Variants in VAT1 observed in about 807,000 individuals in gnomAD.
VAT1 encodes the protein vesicle amine transport 1, also known as NADPH-dependent quinone oxidoreductase VAT1.
Under a neutral mutation model 33.3 loss-of-function variants are expected in VAT1, and 24 were observed. The observed-to-expected ratio is 0.72, with a 90% CI of 0.52 to 1.01. The LOEUF is 1.01. Ranked by LOEUF, VAT1 falls within the 50% of genes least tolerant of loss-of-function variation. The probability of loss-of-function intolerance (pLI) is 0.00; values close to 1 mark genes in which losing one functional copy is unlikely to be tolerated. For missense variants in VAT1, 436 were observed against 533.7 expected, an observed-to-expected ratio of 0.82 and a Z score of 1.80; for synonymous variants, 212 against 225.0, an observed-to-expected ratio of 0.94 and a Z score of 0.52.
chr17:43,022,189 G>C lies in VAT1; in HGVS notation c.134C>G (p.Pro45Arg). ...SEGAAAAAAS[P>R]PLLRCLVLTG... Reference sequence around the variant, plus strand: ...GAGCACTAGGCAGCGCAGCAGTGGCGGCGAGGCGGCGGCGGCGGCGGCCCC... The same window carrying C: ...GAGCACTAGGCAGCGCAGCAGTGGCCGCGAGGCGGCGGCGGCGGCGGCCCC... The change falls in exon 1 of 6, where the codon CCG (proline) becomes CGG (arginine). Residue 45 changes from proline to arginine, a missense_variant. Physicochemically the swap from Pro to Arg is moderately radical, Grantham distance 103. Transcript: ENST00000355653. 1.3e-6 allele frequency: 2 copies of C among 1,557,292 alleles called. No homozygotes were observed. Among genetic ancestry groups the C allele is most frequent in the Non-Finnish European group, 1.7e-6 (2 of 1,150,830 alleles).
chr17:43,021,719 T>TG (rs1009688527), intron 1 of VAT1, among the ~76,000 whole-genome samples: 3 of 151,146 alleles, frequency 2.0e-5, no homozygotes, highest in African/African-American at 7.3e-5. Context: ...CAACTAAAAA[T>TG]GGTTGGGGAA....
intron 2 of VAT1, 110 bp from the exon 3 acceptor site, chr17:43,018,316 T>C: frequency 7.7e-7 from 1 of 1,294,360 alleles, no homozygotes; most frequent in Non-Finnish European, 1.1e-6. Context: ...CCTACGCTCA[T>C]TTTAGGGCCG....
intron 4 of VAT1, among the ~76,000 whole-genome samples, chr17:43,017,476 G>A (rs1476469480): frequency 6.6e-6 from 1 of 150,982 alleles, no homozygotes; most frequent in Non-Finnish European, 1.5e-5. Flanking sequence ...CCAGCTACTC[G>A]GGAGGGTGAG....
chr17:43,018,309 A>C, intron 2 of VAT1, 103 bp from the exon 3 acceptor site: 1 of 1,372,152 alleles, frequency 7.3e-7, no homozygotes, highest in East Asian at 2.3e-5. Context: ...CATTTTGCCT[A>C]CGCTCATTTT....
chr17:43,022,009 G>A lies in VAT1; in HGVS notation c.314C>T (p.Pro105Leu), dbSNP rs1477229372. The change falls in exon 1 of 6, where the codon CCT becomes CTT. Residue 105 changes from proline (P) to leucine (L), a missense_variant. Pro to Leu is a moderately conservative substitution (Grantham distance 98). Coordinates refer to ENST00000355653, the MANE Select transcript of VAT1 (RefSeq NM_006373.4). ...CTCCATGCCCGGAGTGACAGGCAGA[G>A]GCGGGAGACGGTCGTACAGCCCCTG... ...ARQGLYDRLP[P>L]LPVTPGMEGA... 6.2e-7 allele frequency: 1 copy of A among 1,608,406 alleles called. No homozygotes were observed. The highest frequency in any genetic ancestry group is 8.5e-7 in the Non-Finnish European group (1 of 1,178,828).
At chr17:43,017,663 G>C (rs1309482277) in intron 4 of VAT1, among the ~76,000 whole-genome samples, 178 bp downstream of exon 4, 1 of 151,292 alleles carries the variant, frequency 6.6e-6, no homozygotes, top group Non-Finnish European at 1.5e-5. Flanking sequence ...AAAAGAGCTG[G>C]TACCCAAGAG....
rs948133133 is a variant in VAT1, at chr17:43,014,910, T to G, written c.*1151A>C. The G allele has an allele frequency of 5.9e-5, 9 of 152,486 alleles. No individual in the cohort carries two copies. The highest frequency in any genetic ancestry group is 2.2e-4 in the African/African-American group (9 of 41,362). 9.4% of individuals were successfully genotyped at this position (152,486 alleles called of 1,614,324 possible). A position where few individuals can be genotyped will look rare whatever the true frequency, so the allele number is the denominator to read the frequency against. ...CATCTCCCCACCCATGTAAACAGAG[T>G]TTTGGGCTGAGTTTGATAAGCTGCC... is the stretch of plus-strand genomic sequence containing the variant. On this transcript the variant is annotated 3_prime_UTR_variant, in exon 6 of 6. Coordinates refer to ENST00000355653, the MANE Select transcript of VAT1 (RefSeq NM_006373.4).
At position 43,020,448 on chromosome 17, in the gene VAT1, C is replaced by T. The variant is rs545883109; in HGVS notation, c.387+1488G>A. ...AGTCAGTTTGAGGGTGGGGCCAGAG[C>T]TGAATTCAGAGGAAAGCCTTAAGGA... is the stretch of plus-strand genomic sequence containing the variant. On this transcript the variant is annotated intron_variant, in intron 1 of 5. Transcript: ENST00000355653. Among the ~76,000 whole-genome samples the T allele has an allele frequency of 7.9e-5, 12 of 152,246 alleles. No individual in the cohort carries two copies. The East Asian group carries it at 1.9e-3, about 24-fold the overall frequency.
Position 43,022,379 on chromosome 17 carries a change from G to T in VAT1, c.-57C>A, listed in dbSNP as rs4792970. The T allele has an allele frequency of 6.9e-7, 1 of 1,458,100 alleles. No individual in the cohort carries two copies. The highest frequency in any genetic ancestry group is 9.0e-7 in the Non-Finnish European group (1 of 1,108,604). The allele number at this position is 1,458,100 out of a possible 1,614,324, so 90.3% of individuals were successfully genotyped here. A position where few individuals can be genotyped will look rare whatever the true frequency, so the allele number is the denominator to read the frequency against. ...GATGGAGAGTGCACAGCTGGGGAAG[G>T]CGGAACGCGTCGGGAAGAGCCGCGG... is the stretch of plus-strand genomic sequence containing the variant. On this transcript the variant is annotated 5_prime_UTR_variant, in exon 1 of 6. Transcript: ENST00000355653.
intron 1 of VAT1, chr17:43,020,336 T>G (rs1597784865): frequency 3.9e-5 from 38 of 982,256 alleles, no homozygotes; most frequent in Non-Finnish European, 4.2e-5. Context: ...GGAGGTGAGG[T>G]GGGTGGCCTT....
At chr17:43,021,870 C>T in intron 1 of VAT1, 66 bp downstream of exon 1, 1 of 1,578,042 alleles carries the variant, frequency 6.3e-7, no homozygotes, top group Non-Finnish European at 8.6e-7. Flanking sequence ...CCCCGGCGCT[C>T]GCCCACTCGT....
chr17:43,018,005 TCCCTAC>T lies in VAT1; in HGVS notation c.766+25_766+30del, dbSNP rs781374881. 1.9e-5 allele frequency: 30 copies of T among 1,612,764 alleles called. No individual in the cohort carries two copies. The South Asian group carries it at 3.0e-4, about 16-fold the overall frequency. On this transcript the variant is annotated intron_variant, in intron 3 of 5. Transcript: ENST00000355653. ...GGAGCTCCCCTCCCTGTCCTGTGCCTCCCTACCCCCTCCCATATTATGCCCCCCACC... is the reference window on the plus strand; with the variant it reads ...GGAGCTCCCCTCCCTGTCCTGTGCCTCCCCTCCCATATTATGCCCCCCACC...
At chr17:43,019,130 A>C (rs977155593) in intron 1 of VAT1, 7 of 312,914 alleles carry the variant, frequency 2.2e-5, no homozygotes, top group African/African-American at 1.1e-4. Flanking sequence ...TGAATGCAAG[A>C]AGCTTACAGT....
At chr17:43,020,003 T>C in intron 1 of VAT1, 1 of 707,844 alleles carries the variant, frequency 1.4e-6, no homozygotes, top group Non-Finnish European at 1.7e-6. Context: ...AGATGAGGTC[T>C]GGAGAACAAG....
At chr17:43,019,626 C>G (rs1444656153) in intron 1 of VAT1, 1 of 152,410 alleles carries the variant, frequency 6.6e-6, no homozygotes, top group African/African-American at 2.4e-5. Context: ...AGGCTTCCCC[C>G]CCACCCCCAC....
In VAT1 at chr17:43,017,900, C is replaced by A. The variant is rs2050534033; in HGVS notation, c.797G>T (p.Gly266Val). The A allele has an allele frequency of 1.2e-6, 2 of 1,614,046 alleles. No homozygotes were observed. Among genetic ancestry groups the A allele is most frequent in the South Asian group, 2.2e-5 (2 of 91,088 alleles). Residue 266 changes from glycine (G) to valine (V), a missense_variant, in exon 4 of 6, where the codon GGG becomes GTG. Transcript: ENST00000355653. ...GTTGTAGCCCTTGGCAGTATCTGAC[C>A]CACCCAGAGGGTCCATGACAATGTC... ...GVDIVMDPLG[G>V]SDTAKGYNLL...
chr17:43,022,157 A>G lies in VAT1; in HGVS notation c.166T>C (p.Phe56Leu). 6.4e-7 allele frequency: 1 copy of G among 1,559,064 alleles called. No homozygotes were observed. The highest frequency in any genetic ancestry group is 8.7e-7 in the Non-Finnish European group (1 of 1,151,382). The change falls in exon 1 of 6, where the codon TTT becomes CTT. Residue 56 changes from phenylalanine to leucine, a missense_variant. By Grantham distance (22) the Phe-to-Leu change is conservative. Coordinates refer to ENST00000355653, the MANE Select transcript of VAT1 (RefSeq NM_006373.4). Reference sequence around the variant, plus strand: ...AGCTTCACCTTGTCGTAGCCTCCAAAGCCGGTGAGCACTAGGCAGCGCAGC... The same window carrying G: ...AGCTTCACCTTGTCGTAGCCTCCAAGGCCGGTGAGCACTAGGCAGCGCAGC... Reference protein sequence around the residue: ...PLLRCLVLTGFGGYDKVKLQS... With the variant: ...PLLRCLVLTGLGGYDKVKLQS...
At chr17:43,020,262 C>G in intron 1 of VAT1, 2 of 985,438 alleles carry the variant, frequency 2.0e-6, no homozygotes, top group Non-Finnish European at 2.4e-6. Flanking sequence ...AATCCAGGCT[C>G]TTACATCAGA....
At chr17:43,021,516 G>A in intron 1 of VAT1, among the ~76,000 whole-genome samples, 1 of 151,310 alleles carries the variant, frequency 6.6e-6, no homozygotes, top group Admixed American at 6.6e-5. Context: ...AAGCTCCCTC[G>A]GGGAAAGGGG....
Sources: allele counts gnomAD v4.1 joint callset (sites outside exome capture counted in the v4.1 genomes callset), GRCh38; gene constraint gnomAD v4.1.1; transcripts MANE v1.5; gene names NCBI Gene and HGNC (gene_info 2026-07-23, HGNC 2026-07-21).